Variants in CCDC91 observed in about 807,000 individuals in gnomAD.
CCDC91 encodes the protein coiled-coil domain-containing protein 91.
In CCDC91, 48 loss-of-function variants were observed where a neutral mutation model predicts 63.2. That is an observed-to-expected ratio of 0.76 (90% CI 0.60 to 0.97). The LOEUF is 0.97. Ranked by LOEUF, CCDC91 falls within the 50% of genes least tolerant of loss-of-function variation. The pLI is 0.00. For synonymous variants in CCDC91, 167 were observed against 165.8 expected (o/e 1.01, Z -0.06); for missense variants, 500 against 494.6 (o/e 1.01, Z -0.10).
intron 11 of CCDC91, among the ~76,000 whole-genome samples, chr12:28,468,047 CA>C (rs1950629828): frequency 6.6e-6 from 1 of 151,532 alleles, no homozygotes; most frequent in Non-Finnish European, 1.5e-5. Context: ...GGGAGCAAAC[CA>C]AACTCAAAAT....
At chr12:28,237,453 A>C (rs1355587474) in intron 1 of CCDC91, among the ~76,000 whole-genome samples, 1 of 152,182 alleles carries the variant, frequency 6.6e-6, no homozygotes. Flanking sequence ...TGTCCTCATA[A>C]GAGATAAACA....
At chr12:28,409,598 C>T (rs751379691) in intron 8 of CCDC91, among the ~76,000 whole-genome samples, 16 of 152,122 alleles carry the variant, frequency 1.1e-4, no homozygotes, top group South Asian at 2.1e-4. Context: ...AATTGGCTTT[C>T]AATTTGCATT....
chr12:28,268,630 T>A (rs1436125011), intron 3 of CCDC91: 3 of 984,332 alleles, frequency 3.0e-6, no homozygotes, highest in Non-Finnish European at 3.6e-6. Context: ...CTCCATTATT[T>A]TGGCCACAGA....
chr12:28,478,290 C>A (rs1288337172), intron 11 of CCDC91, among the ~76,000 whole-genome samples: 1 of 151,994 alleles, frequency 6.6e-6, no homozygotes, highest in African/African-American at 2.4e-5. Flanking sequence ...CAGAACGGAG[C>A]CCTCAGAAAT....
chr12:28,203,405 T>A (rs1457774447), intron 1 of CCDC91, among the ~76,000 whole-genome samples: 1 of 152,184 alleles, frequency 6.6e-6, no homozygotes, highest in African/African-American at 2.4e-5. Context: ...CCCAAGTTCT[T>A]CTTAATGTCA....
chr12:28,276,322 C>T (rs1158697474), intron 3 of CCDC91, among the ~76,000 whole-genome samples: 4 of 151,764 alleles, frequency 2.6e-5, no homozygotes, highest in Non-Finnish European at 5.9e-5. Context: ...GTTGAATAAA[C>T]CTGATGTCAT....
chr12:28,417,757 C>A (rs1333778706), intron 8 of CCDC91, among the ~76,000 whole-genome samples: 1 of 151,886 alleles, frequency 6.6e-6, no homozygotes, highest in East Asian at 1.9e-4. Context: ...AAGATCTACC[C>A]TTTTAGCAAG....
chr12:28,258,803 T>C (rs1176341988), intron 2 of CCDC91, among the ~76,000 whole-genome samples: 1 of 152,016 alleles, frequency 6.6e-6, no homozygotes, highest in Non-Finnish European at 1.5e-5. Context: ...TGCTCTTACC[T>C]ACAAACTCAG....
At chr12:28,274,567 C>T (rs1046178365) in intron 3 of CCDC91, among the ~76,000 whole-genome samples, 107 of 152,050 alleles carry the variant, frequency 7.0e-4, no homozygotes, top group South Asian at 4.2e-4. Flanking sequence ...GTCCCTTGCA[C>T]GTTGGATTCC....
intron 8 of CCDC91, among the ~76,000 whole-genome samples, chr12:28,439,062 G>A (rs755166833): frequency 1.5e-4 from 23 of 152,086 alleles, no homozygotes; most frequent in Non-Finnish European, 2.8e-4. Flanking sequence ...CAATTTTTGT[G>A]TCATTCCTAA....
chr12:28,411,967 CCACATTGGAGAT>C lies in CCDC91; in HGVS notation c.762+20563_762+20574del, dbSNP rs144226891. ...CACTAGGCCCTACCCCCCAACACCA[CCACATTGGAGAT>C]CACATTTCAACATGAGTTTTGGTAG... On this transcript the variant is annotated intron_variant, in intron 8 of 12. Coordinates refer to ENST00000536442, the MANE Select transcript of CCDC91 (RefSeq NM_018318.5). Among the ~76,000 whole-genome samples, 331 of 152,286 alleles carry C rather than the reference CCACATTGGAGAT, an allele frequency of 2.2e-3. 3 individuals carry two copies. The highest frequency in any genetic ancestry group is 7.5e-3 in the African/African-American group (313 of 41,548).
At chr12:28,255,215 T>C (rs1946367826) in intron 1 of CCDC91, among the ~76,000 whole-genome samples, 1 of 152,186 alleles carries the variant, frequency 6.6e-6, no homozygotes, top group South Asian at 2.1e-4. Context: ...TGGGTATTTG[T>C]TTTTATTTTC....
chr12:28,216,979 A>G (rs1208793509), intron 1 of CCDC91, among the ~76,000 whole-genome samples: 1 of 152,152 alleles, frequency 6.6e-6, no homozygotes, highest in African/African-American at 2.4e-5. Flanking sequence ...TTAAATGTGT[A>G]TGAACTAGTA....
In CCDC91 at chr12:28,490,005, A is replaced by G. The variant is rs117061519; in HGVS notation, c.1215+5840A>G. Among the ~76,000 whole-genome samples, 1,256 of 152,074 alleles carry G rather than the reference A, an allele frequency of 8.3e-3. 15 individuals carry two copies. The highest frequency in any genetic ancestry group is 0.014 in the Middle Eastern group (4 of 294). On this transcript the variant is annotated intron_variant, in intron 12 of 12. Transcript: ENST00000536442. Reference sequence around the variant, plus strand: ...AAAGTCCTAAAATTCTGTTAAGACTATGAGTAACATTTTCCTTGACAGTTG... The same window carrying G: ...AAAGTCCTAAAATTCTGTTAAGACTGTGAGTAACATTTTCCTTGACAGTTG...
intron 12 of CCDC91, among the ~76,000 whole-genome samples, chr12:28,530,728 G>A (rs548371563): frequency 1.2e-4 from 18 of 152,138 alleles, no homozygotes; most frequent in African/African-American, 4.3e-4. Context: ...TATTTGAAGT[G>A]CACAAAGAAG....
chr12:28,201,801 G>A (rs549109161), intron 1 of CCDC91, among the ~76,000 whole-genome samples: 18 of 144,976 alleles, frequency 1.2e-4, no homozygotes, highest in Admixed American at 4.7e-4. Context: ...CGAGGCTGGC[G>A]GATCACTCGC....
At chr12:28,193,057 T>C (rs1233231284) in intron 1 of CCDC91, among the ~76,000 whole-genome samples, 1 of 152,250 alleles carries the variant, frequency 6.6e-6, no homozygotes, top group African/African-American at 2.4e-5. Flanking sequence ...TCCATGTTGA[T>C]GCATGTTTGT....
intron 7 of CCDC91, among the ~76,000 whole-genome samples, chr12:28,375,608 A>C (rs76396786): frequency 0.011 from 1,659 of 152,034 alleles, 14 homozygotes; most frequent in Non-Finnish European, 0.019. Flanking sequence ...ATGTTTACTT[A>C]ATTTTTTTCT....
chr12:28,202,602 C>T (rs1170930638), intron 1 of CCDC91, among the ~76,000 whole-genome samples: 1 of 152,226 alleles, frequency 6.6e-6, no homozygotes, highest in African/African-American at 2.4e-5. Context: ...CTGGTGGTCT[C>T]TGTGTGCATG....
Sources: gnomAD v4.1 joint callset for allele counts (sites outside exome capture counted in the v4.1 genomes callset) on GRCh38, gnomAD v4.1.1 for gene constraint, MANE v1.5 for transcripts, NCBI Gene and HGNC (gene_info 2026-07-23, HGNC 2026-07-21) for gene names.